Variants in ESRRG observed in about 807,000 individuals in gnomAD.
The protein encoded by ESRRG is estrogen-related receptor gamma.
ESRRG carries 13 observed loss-of-function variants against 44.0 expected under a neutral mutation model. The observed-to-expected ratio is 0.30, with a 90% CI of 0.19 to 0.47. The LOEUF (loss-of-function observed/expected upper bound fraction) is 0.47, where lower values mean the gene tolerates loss of function less well. Among genes scored for constraint, ESRRG ranks in the 20% least tolerant of loss-of-function variants. The probability of loss-of-function intolerance (pLI) is 1.00; values close to 1 mark genes in which losing one functional copy is unlikely to be tolerated. For synonymous variants in ESRRG, 215 were observed against 214.6 expected (o/e 1.00, Z -0.02); for missense variants, 395 against 580.6 (o/e 0.68, Z 3.29).
At chr1:216,921,647 C>T (rs2061865344) in intron 2 of ESRRG, among the ~76,000 whole-genome samples, 1 of 152,178 alleles carries the variant, frequency 6.6e-6, no homozygotes, top group Non-Finnish European at 1.5e-5. Flanking sequence ...CTTTTACACT[C>T]ATCTTATTTT....
chr1:216,576,253 G>A (rs952188018), intron 3 of ESRRG, among the ~76,000 whole-genome samples: 1 of 151,748 alleles, frequency 6.6e-6, no homozygotes, highest in African/African-American at 2.4e-5. Flanking sequence ...AAACTGCTTG[G>A]CTGCATGTGG....
intron 2 of ESRRG, among the ~76,000 whole-genome samples, chr1:216,765,455 G>A (rs1451865968): frequency 6.6e-6 from 1 of 152,062 alleles, no homozygotes. Flanking sequence ...GGCAGGGAAA[G>A]GTTAACTTAA....
intron 5 of ESRRG, among the ~76,000 whole-genome samples, chr1:216,561,331 G>T (rs2058700182): frequency 6.6e-6 from 1 of 152,010 alleles, no homozygotes; most frequent in Non-Finnish European, 1.5e-5. Context: ...ACAGCATAAA[G>T]ATAACAGGGG....
chr1:216,823,000 C>T (rs1369335942), intron 2 of ESRRG, among the ~76,000 whole-genome samples: 1 of 152,020 alleles, frequency 6.6e-6, no homozygotes, highest in African/African-American at 2.4e-5. Flanking sequence ...GATGAGTTTA[C>T]CCAATTAGAA....
chr1:216,994,889 CCAA>C (rs1385124443), intron 1 of ESRRG, among the ~76,000 whole-genome samples: 1 of 152,102 alleles, frequency 6.6e-6, no homozygotes, highest in Non-Finnish European at 1.5e-5. Flanking sequence ...CCGGCCCCGT[CCAA>C]CAACTTCTAA....
intron 2 of ESRRG, among the ~76,000 whole-genome samples, chr1:216,834,669 G>T (rs975024432): frequency 2.0e-5 from 3 of 152,152 alleles, no homozygotes; most frequent in Non-Finnish European, 2.9e-5. Context: ...TAAAAGACAG[G>T]TCAAGACTGG....
chr1:217,003,752 C>A (rs888173109), intron 1 of ESRRG, among the ~76,000 whole-genome samples: 18 of 151,460 alleles, frequency 1.2e-4, no homozygotes, highest in Non-Finnish European at 2.5e-4. Flanking sequence ...ATCAGATTAC[C>A]CATAATATTT....
chr1:216,779,507 T>TAAATAA (rs1559608395), intron 2 of ESRRG, among the ~76,000 whole-genome samples: 11 of 61,572 alleles, frequency 1.8e-4, no homozygotes, highest in African/African-American at 7.6e-4. Context: ...TATATAAATA[T>TAAATAA]ATATTTATAA....
At chr1:216,610,650 T>G (rs79205803) in intron 3 of ESRRG, among the ~76,000 whole-genome samples, 42 of 152,238 alleles carry the variant, frequency 2.8e-4, no homozygotes, top group Non-Finnish European at 4.3e-4. Context: ...GATATGAGGA[T>G]AGCTAAGTGC....
At chr1:216,862,317 T>G (rs1373862180) in intron 2 of ESRRG, 2 of 151,796 alleles carry the variant, frequency 1.3e-5, no homozygotes, top group Non-Finnish European at 2.9e-5. Context: ...CTCCGTCTCT[T>G]GGGTTCAAGT....
intron 2 of ESRRG, among the ~76,000 whole-genome samples, chr1:216,808,849 A>C (rs765991745): frequency 2.0e-5 from 3 of 152,194 alleles, no homozygotes; most frequent in Non-Finnish European, 4.4e-5. Flanking sequence ...CAGTTGATAA[A>C]AATCATTAAG....
At chr1:216,641,520 A>T (rs952063480) in intron 3 of ESRRG, among the ~76,000 whole-genome samples, 1 of 152,242 alleles carries the variant, frequency 6.6e-6, no homozygotes, top group Admixed American at 6.5e-5. Context: ...TGGTGCACAA[A>T]GTCAGTGGAT....
intron 3 of ESRRG, among the ~76,000 whole-genome samples, chr1:216,610,115 T>C (rs962442926): frequency 1.3e-5 from 2 of 152,126 alleles, no homozygotes; most frequent in Non-Finnish European, 2.9e-5. Flanking sequence ...GGTCATACAT[T>C]TAGCAATAGA....
intron 1 of ESRRG, among the ~76,000 whole-genome samples, chr1:217,104,030 A>G (rs1413707561): frequency 5.3e-5 from 8 of 152,176 alleles, no homozygotes; most frequent in Admixed American, 4.6e-4. Flanking sequence ...CTGATCCTTG[A>G]TAACACATAA....
chr1:216,510,030 A>C (rs2042260735), intron 6 of ESRRG, among the ~76,000 whole-genome samples: 1 of 152,196 alleles, frequency 6.6e-6, no homozygotes, highest in Non-Finnish European at 1.5e-5. Context: ...CTTTAAAGGA[A>C]ATATTCCTAG....
At chr1:216,905,459 G>A (rs533612379) in intron 2 of ESRRG, among the ~76,000 whole-genome samples, 1 of 152,096 alleles carries the variant, frequency 6.6e-6, no homozygotes, top group Non-Finnish European at 1.5e-5. Context: ...ACCCCTTAAA[G>A]TTCAACCCTC....
intron 5 of ESRRG, among the ~76,000 whole-genome samples, chr1:216,541,594 GTGTGTGTGTGTGTA>G (rs1168851315): frequency 7.8e-5 from 11 of 141,660 alleles, no homozygotes; most frequent in African/African-American, 2.6e-4. Flanking sequence ...GTGTGTGTGT[GTGTGTGTGTGTGTA>G]TGTGATCAGC....
intron 6 of ESRRG, among the ~76,000 whole-genome samples, chr1:216,518,377 A>G (rs994577157): frequency 6.6e-6 from 1 of 152,178 alleles, no homozygotes; most frequent in Admixed American, 6.6e-5. Context: ...GGGTCAAAAC[A>G]AAAGCAGATG....
At chr1:216,908,839 A>AG (rs2059982011) in intron 2 of ESRRG, among the ~76,000 whole-genome samples, 1 of 151,874 alleles carries the variant, frequency 6.6e-6, no homozygotes, top group Admixed American at 6.6e-5. Context: ...TAGAAAAAAA[A>AG]AAAAACATAG....
Sources: gnomAD v4.1 joint callset for allele counts (sites outside exome capture counted in the v4.1 genomes callset) on GRCh38, gnomAD v4.1.1 for gene constraint, MANE v1.5 for transcripts, NCBI Gene and HGNC (gene_info 2026-07-23, HGNC 2026-07-21) for gene names.